ZNF592: variants seen among roughly 807,000 people sequenced by gnomAD.
ZNF592 encodes the protein zinc finger protein 592, also known as spinocerebellar ataxia, autosomal recessive 5.
In ZNF592, 11 loss-of-function variants were observed where a neutral mutation model predicts 80.3. The ratio of observed to expected loss-of-function variants is 0.14; its 90% CI spans 0.09 to 0.23. ZNF592 has a LOEUF of 0.23. ZNF592 is among the 10% of genes least tolerant of loss of function. The pLI, the probability that ZNF592 is intolerant of heterozygous loss-of-function variation, is 1.00. For synonymous variants in ZNF592, 646 were observed against 640.3 expected (o/e 1.01, Z -0.13); for missense variants, 1,420 against 1,633.9 (o/e 0.87, Z 2.26).
rs113043698 is a variant in ZNF592 at position 84,758,620 on chromosome 15, G to A, written c.-258-6087G>A. Among the ~76,000 whole-genome samples the A allele has an allele frequency of 9.3e-3, 1,417 of 152,134 alleles. 23 individuals are homozygous for A. The highest frequency in any genetic ancestry group is 0.033 in the African/African-American group (1,359 of 41,492). On this transcript the variant is annotated intron_variant, in intron 1 of 10. Transcript: ENST00000560079. Reference sequence around the variant, plus strand: ...ATTAGCATGTGTACTTGTATTTAAAGTCTTGGGGAGGCCAGGTAAGGTGGC... The same window carrying A: ...ATTAGCATGTGTACTTGTATTTAAAATCTTGGGGAGGCCAGGTAAGGTGGC...
chr15:84,765,307 T>C (rs75510472), intron 2 of ZNF592, among the ~76,000 whole-genome samples: 8,836 of 152,310 alleles, frequency 0.058, 380 homozygotes, highest in Non-Finnish European at 0.09. Flanking sequence ...TTGAGTGTTA[T>C]GAATAATCCT....
chr15:84,755,679 A>G (rs1899148992), intron 1 of ZNF592, among the ~76,000 whole-genome samples: 1 of 152,172 alleles, frequency 6.6e-6, no homozygotes, highest in South Asian at 2.1e-4. Context: ...TATCATCTTT[A>G]CAAAAACAAA....
chr15:84,792,887 T>C (rs929705070), intron 5 of ZNF592, among the ~76,000 whole-genome samples: 1 of 152,350 alleles, frequency 6.6e-6, no homozygotes, highest in African/African-American at 2.4e-5. Flanking sequence ...TGAGGAGCAT[T>C]GCTTGGCAGC....
At chr15:84,754,549 T>C (rs1161245510) in intron 1 of ZNF592, 1 of 151,438 alleles carries the variant, frequency 6.6e-6, no homozygotes, top group East Asian at 1.9e-4. Flanking sequence ...GCGACAGAGC[T>C]AGATTCCATT....
chr15:84,802,190 C>A lies in ZNF592; in HGVS notation c.3601C>A (p.Pro1201Thr). The A allele has an allele frequency of 6.2e-7, 1 of 1,602,168 alleles. No individual in the cohort carries two copies. Among genetic ancestry groups the A allele is most frequent in the Non-Finnish European group, 8.5e-7 (1 of 1,171,170 alleles). ...GGAGATGGCAGTGGAGGTGGCAGAG[C>A]CAGAGGAGGGCTCCGGGGAGGAGGT... ...AAEMAVEVAE[P>T]EEGSGEEVPM... Residue 1201 changes from proline (P) to threonine (T), a missense_variant, in exon 11 of 11, where the codon CCA (proline) becomes ACA (threonine). By Grantham distance (38) the Pro-to-Thr change is conservative. Transcript: ENST00000560079.
intron 5 of ZNF592, among the ~76,000 whole-genome samples, chr15:84,793,861 C>T (rs759412513): frequency 4.6e-5 from 7 of 152,088 alleles, no homozygotes; most frequent in East Asian, 1.9e-4. Flanking sequence ...GATTCCATTG[C>T]GGGGATACAC....
chr15:84,801,424 C>T (rs563637401), intron 10 of ZNF592, among the ~76,000 whole-genome samples: 4 of 152,308 alleles, frequency 2.6e-5, no homozygotes, highest in African/African-American at 9.6e-5. Context: ...CGCTTAAGCC[C>T]GGTAGGTCAA....
rs58930648 is a variant in ZNF592, at chr15:84,754,704, T to TA, written c.-259+6057dup. Among the ~76,000 whole-genome samples, 789 of 133,672 alleles carry TA rather than the reference T, an allele frequency of 5.9e-3. 7 individuals carry two copies. The highest frequency in any genetic ancestry group is 0.016 in the African/African-American group (568 of 36,238). 87.7% of individuals were successfully genotyped at this position (133,672 alleles called of 152,430 possible). A position where few individuals can be genotyped will look rare whatever the true frequency, so the allele number is the denominator to read the frequency against. ...GGCAACATTGAAAGACCCCGTCTCT[T>TA]AAAAAAAAAAAAAAAAAGAGAGGTA... On this transcript the variant is annotated intron_variant, in intron 1 of 10. Coordinates refer to ENST00000560079, the MANE Select transcript of ZNF592 (RefSeq NM_014630.3).
chr15:84,791,862 A>G (rs936797465), intron 5 of ZNF592, among the ~76,000 whole-genome samples: 3 of 152,254 alleles, frequency 2.0e-5, no homozygotes, highest in African/African-American at 7.2e-5. Context: ...GTATGGTTGT[A>G]TAGAGGAATG....
intron 1 of ZNF592, among the ~76,000 whole-genome samples, chr15:84,748,887 C>T (rs903583172): frequency 6.7e-6 from 1 of 149,036 alleles, no homozygotes; most frequent in Non-Finnish European, 1.5e-5. Flanking sequence ...CGTCGGGCGC[C>T]GGCCCCTTCC....
Position 84,802,416 on chromosome 15 carries a change from G to C in ZNF592, c.*23G>C. 6.2e-7 allele frequency: 1 copy of C among 1,612,386 alleles called. No homozygotes were observed. Among genetic ancestry groups the C allele is most frequent in the Non-Finnish European group, 8.5e-7 (1 of 1,179,550 alleles). On this transcript the variant is annotated 3_prime_UTR_variant, in exon 11 of 11. Transcript: ENST00000560079. ...TGACCGGAGACTTTGCAGTGTGCAT[G>C]GTCAGGGGTGGTGCCGAAGTGTCTT...
chr15:84,792,815 A>C (rs1962787069), intron 5 of ZNF592, among the ~76,000 whole-genome samples: 1 of 152,204 alleles, frequency 6.6e-6, no homozygotes, highest in Non-Finnish European at 1.5e-5. Flanking sequence ...GAGTATCTAA[A>C]GTACATTAAA....
rs1555431848 is a variant in ZNF592, at chr15:84,796,239, A to AAAT, written c.2400-1629_2400-1628insATA. 8.8e-3 allele frequency among the ~76,000 whole-genome samples: 294 copies of AAAT among 33,264 alleles called. 3 individuals carry two copies. Among genetic ancestry groups the AAAT allele is most frequent in the Non-Finnish European group, 0.012 (256 of 20,910 alleles). The allele number at this position is 33,264 out of a possible 152,430, so 21.8% of individuals were successfully genotyped here. ...TCTGTCTCAAAAAAAAAAAAAAAAA[A>AAAT]ATATATATATATATATATATATATA... On this transcript the variant is annotated intron_variant, in intron 5 of 10. Transcript: ENST00000560079.
At position 84,803,404 on chromosome 15, in the gene ZNF592, A is replaced by G. The variant is rs1055323767; in HGVS notation, c.*1011A>G. Reference sequence around the variant, plus strand: ...TTTGTCCCATCTCTGAGGGAGAACAATACTTCCTACTGTCTAAGGAAGGCC... The same window carrying G: ...TTTGTCCCATCTCTGAGGGAGAACAGTACTTCCTACTGTCTAAGGAAGGCC... On this transcript the variant is annotated 3_prime_UTR_variant, in exon 11 of 11. Transcript: ENST00000560079. 6.6e-6 allele frequency: 1 copy of G among 152,624 alleles called. No homozygotes were observed. The highest frequency in any genetic ancestry group is 1.5e-5 in the Non-Finnish European group (1 of 68,074). 9.5% of individuals were successfully genotyped at this position (152,624 alleles called of 1,614,324 possible). A position where few individuals can be genotyped will look rare whatever the true frequency, so the allele number is the denominator to read the frequency against.
chr15:84,775,781 T>C (rs1017271622), intron 2 of ZNF592, among the ~76,000 whole-genome samples: 3 of 152,212 alleles, frequency 2.0e-5, no homozygotes, highest in African/African-American at 7.2e-5. Context: ...TGATTCGGCA[T>C]GCTGAGGCCC....
chr15:84,805,648 A>T lies in ZNF592; in HGVS notation c.*3255A>T, dbSNP rs1963218357. The T allele has an allele frequency of 6.6e-6, 1 of 152,636 alleles. No individual in the cohort carries two copies. Among genetic ancestry groups the T allele is most frequent in the Non-Finnish European group, 1.5e-5 (1 of 68,034 alleles). 9.5% of individuals were successfully genotyped at this position (152,636 alleles called of 1,614,324 possible). A position where few individuals can be genotyped will look rare whatever the true frequency, so the allele number is the denominator to read the frequency against. ...AAAAATTTGATAATTGTGGCCCAGT[A>T]AGCTCAACACTTTGCCTTCCCCAAG... On this transcript the variant is annotated 3_prime_UTR_variant, in exon 11 of 11. Coordinates refer to ENST00000560079, the MANE Select transcript of ZNF592 (RefSeq NM_014630.3).
At position 84,782,941 on chromosome 15, in the gene ZNF592, G is replaced by T. The variant is rs201486461; in HGVS notation, c.266G>T (p.Ser89Ile). Residue 89 changes from serine (S) to isoleucine (I), a missense_variant, in exon 4 of 11, where the codon AGT becomes ATT. By Grantham distance (142) the Ser-to-Ile change is moderately radical. Around this residue, in one of 7 missense-constraint regions of ZNF592, gnomAD observed 373 missense variants for 355.5 expected, o/e 1.05. Transcript: ENST00000560079. ...FEAEKDHITPSLLHNGFRGSD... is the reference protein window; with the variant it reads ...FEAEKDHITPILLHNGFRGSD... ...GCGGAGAAAGACCACATTACTCCCA[G>T]TCTCCTACACAATGGATTCCGGGGC... is the stretch of plus-strand genomic sequence containing the variant. 4 of 1,614,070 alleles carry T rather than the reference G, an allele frequency of 2.5e-6. No individual in the cohort carries two copies. The highest frequency in any genetic ancestry group is 3.4e-6 in the Non-Finnish European group (4 of 1,180,036).
chr15:84,787,283 C>T (rs893300697), intron 4 of ZNF592, among the ~76,000 whole-genome samples: 3 of 152,268 alleles, frequency 2.0e-5, no homozygotes, highest in South Asian at 2.1e-4. Flanking sequence ...GAGCACCCGC[C>T]GACAGGAAGG....
Position 84,794,096 on chromosome 15 carries a change from TG to T in ZNF592, c.2399+3219del, listed in dbSNP as rs538443464. ...TCACACACTGGGGCCTGTCAGCGGG[TG>T]GGGGGCTAGGGGAGGGATAGCATTA... On this transcript the variant is annotated intron_variant, in intron 5 of 10. Transcript: ENST00000560079. 4.0e-3 allele frequency among the ~76,000 whole-genome samples: 597 copies of T among 150,228 alleles called. 2 individuals are homozygous for T. Among genetic ancestry groups the T allele is most frequent in the African/African-American group, 0.014 (568 of 40,686 alleles).
Sources: allele counts gnomAD v4.1 joint callset (sites outside exome capture counted in the v4.1 genomes callset), GRCh38; gene constraint gnomAD v4.1.1; regional missense constraint gnomAD v4.1.1; transcripts MANE v1.5; gene names NCBI Gene and HGNC (gene_info 2026-07-23, HGNC 2026-07-21).